Variants in GRIK2 observed in about 807,000 individuals in gnomAD.
The protein encoded by GRIK2 is glutamate ionotropic receptor kainate type subunit 2, also known as glutamate receptor ionotropic, kainate 2.
In GRIK2, 32 loss-of-function variants were observed where a neutral mutation model predicts 100.3. The observed-to-expected ratio is 0.32, with a 90% CI of 0.24 to 0.43. The LOEUF is 0.43. Among genes scored for constraint, GRIK2 ranks in the 20% least tolerant of loss-of-function variants. GRIK2 has a pLI of 1.00. For missense variants in GRIK2, 843 were observed against 1,114.9 expected, an observed-to-expected ratio of 0.76 and a Z score of 3.47; for synonymous variants, 417 against 389.4, an observed-to-expected ratio of 1.07 and a Z score of -0.83.
chr6:101,412,164 A>G (rs543674581), intron 2 of GRIK2, among the ~76,000 whole-genome samples: 150 of 152,178 alleles, frequency 9.9e-4, no homozygotes, highest in Non-Finnish European at 1.4e-3. Flanking sequence ...CCTTTGTTAC[A>G]TCATGGTGCT....
intron 10 of GRIK2, among the ~76,000 whole-genome samples, chr6:101,857,419 T>C (rs1366169851): frequency 6.6e-6 from 1 of 152,118 alleles, no homozygotes; most frequent in Admixed American, 6.5e-5. Context: ...TGTATAGAGA[T>C]AAGGTAAGTC....
At chr6:101,768,492 T>C (rs531320111) in intron 7 of GRIK2, among the ~76,000 whole-genome samples, 5 of 152,296 alleles carry the variant, frequency 3.3e-5, no homozygotes, top group Non-Finnish European at 5.9e-5. Flanking sequence ...CACCTAGAAA[T>C]GTTATGGATT....
rs76410390 is a variant in GRIK2 at position 101,787,250 on chromosome 6, A to G, written c.952-12398A>G. 8.0e-3 allele frequency among the ~76,000 whole-genome samples: 1,205 copies of G among 150,300 alleles called. 17 individuals are homozygous for G. Among genetic ancestry groups the G allele is most frequent in the African/African-American group, 0.028 (1,129 of 40,620 alleles). On this transcript the variant is annotated intron_variant, in intron 7 of 16. Coordinates refer to ENST00000369134, the MANE Select transcript of GRIK2 (RefSeq NM_021956.5). ...AACTAGAAGTTTGTCAATTTTTTTTAAAGACTTTTCATTTCAATAATCCTT... is the reference window on the plus strand; with the variant it reads ...AACTAGAAGTTTGTCAATTTTTTTTGAAGACTTTTCATTTCAATAATCCTT...
intron 7 of GRIK2, among the ~76,000 whole-genome samples, chr6:101,774,464 A>G (rs868722032): frequency 1.3e-5 from 2 of 152,190 alleles, no homozygotes; most frequent in African/African-American, 4.8e-5. Flanking sequence ...AACAGGTTCT[A>G]AATTATTAAG....
chr6:101,982,706 A>G (rs985030926), intron 14 of GRIK2, among the ~76,000 whole-genome samples: 6 of 151,488 alleles, frequency 4.0e-5, no homozygotes, highest in Non-Finnish European at 7.4e-5. Context: ...CAGTGCCACA[A>G]CTGAAACAAA....
At chr6:101,599,619 T>C (rs544592470) in intron 2 of GRIK2, among the ~76,000 whole-genome samples, 27 of 151,990 alleles carry the variant, frequency 1.8e-4, no homozygotes, top group African/African-American at 6.5e-4. Flanking sequence ...TGTAAGATGG[T>C]ATCTCGTTGT....
chr6:101,697,419 CTT>C (rs1772572285), intron 7 of GRIK2, among the ~76,000 whole-genome samples: 1 of 150,996 alleles, frequency 6.6e-6, no homozygotes, highest in Non-Finnish European at 1.5e-5. Flanking sequence ...ACAGAATCTG[CTT>C]AAAACTTGAA....
intron 2 of GRIK2, among the ~76,000 whole-genome samples, chr6:101,519,439 A>G (rs545454862): frequency 6.6e-6 from 1 of 151,858 alleles, no homozygotes; most frequent in East Asian, 1.9e-4. Context: ...TATGAATACT[A>G]CTATTTTTCT....
At chr6:101,853,869 G>A (rs1444266594) in intron 10 of GRIK2, among the ~76,000 whole-genome samples, 1 of 152,184 alleles carries the variant, frequency 6.6e-6, no homozygotes, top group Non-Finnish European at 1.5e-5. Context: ...GTGACATTCT[G>A]GAAAAGGCGA....
chr6:101,985,644 T>G (rs1793977942), intron 14 of GRIK2, among the ~76,000 whole-genome samples: 1 of 151,726 alleles, frequency 6.6e-6, no homozygotes, highest in African/African-American at 2.4e-5. Context: ...CTCTTAGCCC[T>G]TAGTAATAGA....
At position 101,618,621 on chromosome 6, in the gene GRIK2, A is replaced by C. The variant is rs635281; in HGVS notation, c.116-3328A>C. Among the ~76,000 whole-genome samples, 372 of 151,862 alleles carry C rather than the reference A, an allele frequency of 2.4e-3. 2 individuals carry two copies. The highest frequency in any genetic ancestry group is 8.8e-3 in the African/African-American group (367 of 41,502). ...GTGTTTGTATTTTCTCGTATACTTCACATGTTGAAGCAATGTAGTGGCTTC... is the reference window on the plus strand; with the variant it reads ...GTGTTTGTATTTTCTCGTATACTTCCCATGTTGAAGCAATGTAGTGGCTTC... On this transcript the variant is annotated intron_variant, in intron 2 of 16. Transcript: ENST00000369134.
intron 2 of GRIK2, among the ~76,000 whole-genome samples, chr6:101,472,797 A>C (rs749727891): frequency 6.6e-6 from 1 of 151,830 alleles, no homozygotes; most frequent in Non-Finnish European, 1.5e-5. Flanking sequence ...GCTAATTTTA[A>C]AGACTGATAC....
intron 4 of GRIK2, among the ~76,000 whole-genome samples, chr6:101,670,214 A>G (rs1473919897): frequency 6.6e-6 from 1 of 152,096 alleles, no homozygotes; most frequent in Admixed American, 6.6e-5. Flanking sequence ...CAGTCATTAT[A>G]TTTATCTAGG....
At chr6:101,979,768 TG>T (rs2128488840) in intron 14 of GRIK2, among the ~76,000 whole-genome samples, 1 of 152,106 alleles carries the variant, frequency 6.6e-6, no homozygotes, top group South Asian at 2.1e-4. Flanking sequence ...ATTTTCTATA[TG>T]TTAAGCCCAT....
At chr6:101,854,577 A>C (rs1405443413) in intron 10 of GRIK2, among the ~76,000 whole-genome samples, 1 of 152,182 alleles carries the variant, frequency 6.6e-6, no homozygotes, top group Admixed American at 6.6e-5. Context: ...ATCACTTAAA[A>C]AAAAAGAATC....
At chr6:101,975,849 C>CCTCCA (rs1793348715) in intron 14 of GRIK2, among the ~76,000 whole-genome samples, 1 of 49,772 alleles carries the variant, frequency 2.0e-5, no homozygotes, top group East Asian at 1.0e-3. Context: ...CTATCTATCC[C>CCTCCA]TCCATCCATC....
intron 7 of GRIK2, among the ~76,000 whole-genome samples, chr6:101,781,183 C>A (rs1779068187): frequency 6.6e-6 from 1 of 151,570 alleles, no homozygotes; most frequent in Non-Finnish European, 1.5e-5. Context: ...ATATTTTATA[C>A]AATCATTTAT....
intron 2 of GRIK2, among the ~76,000 whole-genome samples, chr6:101,552,341 A>C (rs1252840730): frequency 6.6e-6 from 1 of 152,148 alleles, no homozygotes; most frequent in Non-Finnish European, 1.5e-5. Flanking sequence ...TTAAGAAGGC[A>C]GTCCTAAACT....
At position 102,001,453 on chromosome 6, in the gene GRIK2, G is replaced by A. The variant is rs539760369; in HGVS notation, c.2086-33888G>A. Among the ~76,000 whole-genome samples the A allele has an allele frequency of 1.1e-4, 17 of 151,720 alleles. No individual in the cohort carries two copies. The East Asian group carries it at 1.2e-3, about 10-fold the overall frequency. On this transcript the variant is annotated intron_variant, in intron 14 of 16. Coordinates refer to ENST00000369134, the MANE Select transcript of GRIK2 (RefSeq NM_021956.5). ...CTCCCGCTTATGAATGAGAACATGC[G>A]GTGTTTGGTTTTCTGTTCCTCTCTT... is the stretch of plus-strand genomic sequence containing the variant.
Sources: allele counts gnomAD v4.1 joint callset (sites outside exome capture counted in the v4.1 genomes callset), GRCh38; gene constraint gnomAD v4.1.1; transcripts MANE v1.5; gene names NCBI Gene and HGNC (gene_info 2026-07-23, HGNC 2026-07-21).